The following SPP2 variants were observed in gnomAD, a reference collection of about 807,000 sequenced individuals.
SPP2 encodes the protein secreted phosphoprotein 2, also known as secreted phosphoprotein 24.
In SPP2, 34 loss-of-function variants were observed where a neutral mutation model predicts 28.8. The ratio of observed to expected loss-of-function variants is 1.18; its 90% CI spans 0.90 to 1.57. The LOEUF (loss-of-function observed/expected upper bound fraction) is 1.57. SPP2 is among the 40% of genes most tolerant of loss of function. The probability of loss-of-function intolerance (pLI) is 0.00; values close to 1 mark genes in which losing one functional copy is unlikely to be tolerated. For synonymous variants in SPP2, 96 were observed against 89.4 expected, an observed-to-expected ratio of 1.07 and a Z score of -0.42; for missense variants, 269 against 263.9, an observed-to-expected ratio of 1.02 and a Z score of -0.13.
At chr2:234,057,594 C>G (rs13396164) in intron 2 of SPP2, among the ~76,000 whole-genome samples, 1 of 151,992 alleles carries the variant, frequency 6.6e-6, no homozygotes, top group Non-Finnish European at 1.5e-5. Flanking sequence ...GTGGCACCTC[C>G]TCTGGAATTT....
chr2:234,073,900 C>T lies in SPP2; in HGVS notation c.*11-2945C>T, dbSNP rs575474009. 2.8e-4 allele frequency among the ~76,000 whole-genome samples: 43 copies of T among 152,310 alleles called. 1 individual carries two copies. In the South Asian group the frequency reaches 7.9e-3, roughly 28 times the overall value. ...ATTCTCATGATTTTATCCATTTATT[C>T]AACAAATGTTCATTAAATGCCCCTC... is the stretch of plus-strand genomic sequence containing the variant. On this transcript the variant is annotated intron_variant, in intron 7 of 7. Coordinates refer to ENST00000168148, the MANE Select transcript of SPP2 (RefSeq NM_006944.3).
rs1490897627 is a variant in SPP2 at position 234,077,123 on chromosome 2, T to C, written c.*289T>C. 1 of 152,184 alleles carries C rather than the reference T, an allele frequency of 6.6e-6. No homozygotes were observed. The highest frequency in any genetic ancestry group is 2.4e-5 in the African/African-American group (1 of 41,424). The allele number at this position is 152,184 out of a possible 1,614,324, so 9.4% of individuals were successfully genotyped here. Reference sequence around the variant, plus strand: ...GTTTCAATCTGTAATAAATGCCTTATTTTTCCTGTAAGACTTTTTCTTTCG... The same window carrying C: ...GTTTCAATCTGTAATAAATGCCTTACTTTTCCTGTAAGACTTTTTCTTTCG... On this transcript the variant is annotated 3_prime_UTR_variant, in exon 8 of 8. Transcript: ENST00000168148.
intron 7 of SPP2, among the ~76,000 whole-genome samples, chr2:234,071,907 A>G (rs962144247): frequency 6.6e-6 from 1 of 152,164 alleles, no homozygotes; most frequent in African/African-American, 2.4e-5. Flanking sequence ...TGAATCAGAG[A>G]TGATGTCCCT....
intron 2 of SPP2, among the ~76,000 whole-genome samples, chr2:234,054,846 G>A (rs1002173709): frequency 6.6e-6 from 1 of 152,128 alleles, no homozygotes; most frequent in Non-Finnish European, 1.5e-5. Context: ...GGGAGGATGC[G>A]GGGAGCAGAT....
chr2:234,052,979 TA>T (rs1416310240), intron 2 of SPP2, among the ~76,000 whole-genome samples: 1 of 152,162 alleles, frequency 6.6e-6, no homozygotes, highest in Non-Finnish European at 1.5e-5. Context: ...AGGGATACAC[TA>T]AAAGGCAAAG....
At chr2:234,051,766 G>A (rs1278773051) in intron 2 of SPP2, among the ~76,000 whole-genome samples, 2 of 152,174 alleles carry the variant, frequency 1.3e-5, no homozygotes, top group Non-Finnish European at 2.9e-5. Context: ...TTAGGTTAAG[G>A]TGGGAGGTAG....
Position 234,050,723 on chromosome 2 carries a change from C to T in SPP2, c.-64C>T. On this transcript the variant is annotated 5_prime_UTR_variant, in exon 1 of 8. Coordinates refer to ENST00000168148, the MANE Select transcript of SPP2 (RefSeq NM_006944.3). ...AGCCAGTGTTTGATAAAGACAGCTC[C>T]TCTTAGGAAGAACTGTCATCCCCAA... 3 of 1,417,152 alleles carry T rather than the reference C, an allele frequency of 2.1e-6. No individual in the cohort carries two copies. Among genetic ancestry groups the T allele is most frequent in the East Asian group, 2.3e-5 (1 of 43,952 alleles). The allele number at this position is 1,417,152 out of a possible 1,614,324, so 87.8% of individuals were successfully genotyped here. A position where few individuals can be genotyped will look rare whatever the true frequency, so the allele number is the denominator to read the frequency against.
intron 7 of SPP2, among the ~76,000 whole-genome samples, chr2:234,076,567 T>C (rs1426800565): frequency 2.0e-5 from 3 of 152,166 alleles, no homozygotes; most frequent in Non-Finnish European, 2.9e-5. Context: ...ACAGATGAAC[T>C]GATAAATGGA....
At chr2:234,067,343 A>G (rs1693842942) in intron 6 of SPP2, 69 bp downstream of exon 6, 2 of 1,382,500 alleles carry the variant, frequency 1.4e-6, no homozygotes, top group African/African-American at 1.4e-5. Flanking sequence ...GAGAAATCCT[A>G]TTTCATAGCT....
chr2:234,076,203 T>C (rs902404700), intron 7 of SPP2, among the ~76,000 whole-genome samples: 15 of 152,090 alleles, frequency 9.9e-5, no homozygotes, highest in Non-Finnish European at 8.8e-5. Context: ...GTGCGCCCAC[T>C]GTCCCCAGCC....
At chr2:234,053,637 A>G (rs1324263570) in intron 2 of SPP2, among the ~76,000 whole-genome samples, 1 of 152,036 alleles carries the variant, frequency 6.6e-6, no homozygotes, top group Non-Finnish European at 1.5e-5. Context: ...CCTAGATCAA[A>G]TATTCTTTTA....
chr2:234,055,901 G>C (rs934249509), intron 2 of SPP2, among the ~76,000 whole-genome samples: 3 of 151,466 alleles, frequency 2.0e-5, no homozygotes, highest in Non-Finnish European at 4.4e-5. Flanking sequence ...GAGTATCTTG[G>C]TAAGTTTTTT....
At position 234,074,107 on chromosome 2, in the gene SPP2, G is replaced by A. The variant is rs1507522; in HGVS notation, c.*11-2738G>A. ...GGCCCCTGCCCTCAGAGATAATGTT[G>A]GGATTGGAATTGAACTCTTGATGTC... is the stretch of plus-strand genomic sequence containing the variant. On this transcript the variant is annotated intron_variant, in intron 7 of 7. Coordinates refer to ENST00000168148, the MANE Select transcript of SPP2 (RefSeq NM_006944.3). Among the ~76,000 whole-genome samples, 97 of 152,200 alleles carry A rather than the reference G, an allele frequency of 6.4e-4. 1 individual carries two copies. The highest frequency in any genetic ancestry group is 5.4e-3 in the Admixed American group (83 of 15,288).
intron 7 of SPP2, among the ~76,000 whole-genome samples, chr2:234,070,756 C>T (rs1690752250): frequency 6.6e-6 from 1 of 152,220 alleles, no homozygotes; most frequent in Non-Finnish European, 1.5e-5. Flanking sequence ...GCCACCACGC[C>T]TGGCCGACGT....
Position 234,051,069 on chromosome 2 carries a change from C to A in SPP2, c.184C>A (p.Arg62=), listed in dbSNP as rs200722650. Reference sequence around the variant, plus strand: ...CCAGTCACTGAGTCCGTATCTGTTTCGGGCATTCAGAAGCTCATTAAAAAG... The same window carrying A: ...CCAGTCACTGAGTCCGTATCTGTTTAGGGCATTCAGAAGCTCATTAAAAAG... ...NSQSLSPYLF[R]AFRSSLKRVE... Residue 62 remains arginine (R), a synonymous_variant, in exon 2 of 8, where the codon CGG becomes AGG. Transcript: ENST00000168148. The A allele has an allele frequency of 1.2e-6, 2 of 1,613,900 alleles. No individual in the cohort carries two copies. Among genetic ancestry groups the A allele is most frequent in the African/African-American group, 1.3e-5 (1 of 75,028 alleles).
At chr2:234,068,035 G>C (rs544062543) in intron 6 of SPP2, among the ~76,000 whole-genome samples, 16 of 151,936 alleles carry the variant, frequency 1.1e-4, no homozygotes, top group African/African-American at 3.6e-4. Flanking sequence ...TCTTCTTTTT[G>C]CCATACTCAA....
rs1400852221 is a variant in SPP2 at position 234,050,754 on chromosome 2, TAGAG to T, written c.-29_-26del. On this transcript the variant is annotated 5_prime_UTR_variant, in exon 1 of 8. Transcript: ENST00000168148. ...GGAAGAACTGTCATCCCCAAACACA[TAGAG>T]AGACACTCTCTGTCTCTCGATTACA... is the stretch of plus-strand genomic sequence containing the variant. 31 of 1,597,974 alleles carry T rather than the reference TAGAG, an allele frequency of 1.9e-5. No homozygotes were observed. Among genetic ancestry groups the T allele is most frequent in the Non-Finnish European group, 2.6e-5 (30 of 1,165,674 alleles).
intron 5 of SPP2, 142 bp from the exon 6 acceptor site, chr2:234,067,082 A>C: frequency 1.3e-6 from 1 of 786,586 alleles, no homozygotes; most frequent in Admixed American, 2.2e-5. Context: ...TTTTCCTATT[A>C]GTGCTGACGG....
chr2:234,062,427 G>A (rs1403928524), intron 4 of SPP2, among the ~76,000 whole-genome samples: 2 of 152,182 alleles, frequency 1.3e-5, no homozygotes, highest in Non-Finnish European at 2.9e-5. Flanking sequence ...ATTACAACAG[G>A]AATGAGAAAA....
Sources: allele counts gnomAD v4.1 joint callset (sites outside exome capture counted in the v4.1 genomes callset), GRCh38; gene constraint gnomAD v4.1.1; transcripts MANE v1.5; gene names NCBI Gene and HGNC (gene_info 2026-07-23, HGNC 2026-07-21).